PIEZO2: variants seen among roughly 807,000 people sequenced by gnomAD.
PIEZO2 encodes the protein piezo type mechanosensitive ion channel component 2, also known as piezo-type mechanosensitive ion channel component 2.
Under a neutral mutation model 337.3 loss-of-function variants are expected in PIEZO2, and 172 were observed. The ratio of observed to expected loss-of-function variants is 0.51; its 90% CI spans 0.45 to 0.58. The LOEUF (loss-of-function observed/expected upper bound fraction) is 0.58. Among genes scored for constraint, PIEZO2 ranks in the 20% least tolerant of loss-of-function variants. The probability of loss-of-function intolerance (pLI) is 0.00; values close to 1 mark genes in which losing one functional copy is unlikely to be tolerated. For missense variants in PIEZO2, 3,028 were observed against 3,391.3 expected, an observed-to-expected ratio of 0.89 and a Z score of 2.66; for synonymous variants, 1,251 against 1,228.5, an observed-to-expected ratio of 1.02 and a Z score of -0.38.
rs117703134 is a variant in PIEZO2 at position 11,001,430 on chromosome 18, G to C, written c.161-21770C>G. Among the ~76,000 whole-genome samples the C allele has an allele frequency of 6.8e-3, 1,030 of 152,202 alleles. 4 individuals are homozygous for C. Among genetic ancestry groups the C allele is most frequent in the Non-Finnish European group, 0.01 (683 of 68,010 alleles). ...AGTGAGAGTGCAAGTTCTTTCTGCT[G>C]TCGCTCTTCTTTGACCCTGCTAGAG... On this transcript the variant is annotated intron_variant, in intron 2 of 55. Transcript: ENST00000674853. The surrounding 1 kb of genome is among the most constrained non-coding windows in gnomAD (Gnocchi z 5.3).
chr18:10,720,409 GTATGTGTATGTATA>G (rs2036247740), intron 36 of PIEZO2, among the ~76,000 whole-genome samples: 219 of 17,938 alleles, frequency 0.012, 19 homozygotes, highest in South Asian at 0.028. Context: ...GTGTGTATGT[GTATGTGTATGTATA>G]TATATATATA....
intron 52 of PIEZO2, among the ~76,000 whole-genome samples, chr18:10,678,682 C>T (rs2034122948): frequency 6.6e-6 from 1 of 152,160 alleles, no homozygotes; most frequent in Admixed American, 6.5e-5. Context: ...AACTGTTGGG[C>T]TTTGGATGCA....
At chr18:10,763,225 A>G (rs2038215767) in intron 21 of PIEZO2, 127 bp from the exon 22 acceptor site, 2 of 967,614 alleles carry the variant, frequency 2.1e-6, no homozygotes, top group Admixed American at 4.9e-5. Flanking sequence ...TAGCATGCGC[A>G]AGGAATTGCC....
intron 1 of PIEZO2, among the ~76,000 whole-genome samples, chr18:11,075,338 A>G (rs943504125): frequency 1.6e-4 from 24 of 152,376 alleles, no homozygotes; most frequent in Admixed American, 1.2e-3. Context: ...AGAAAATTAA[A>G]CAACCATAGA....
At chr18:10,887,962 T>C (rs1200062885) in intron 4 of PIEZO2, among the ~76,000 whole-genome samples, 1 of 152,168 alleles carries the variant, frequency 6.6e-6, no homozygotes, top group Non-Finnish European at 1.5e-5. Flanking sequence ...GGTCATCATG[T>C]TTACTTTGTA....
At chr18:11,086,111 C>G (rs1424971591) in intron 1 of PIEZO2, among the ~76,000 whole-genome samples, 1 of 152,132 alleles carries the variant, frequency 6.6e-6, no homozygotes, top group Non-Finnish European at 1.5e-5. Context: ...ATTTTAGAAA[C>G]TGATATATCA....
chr18:10,762,363 GTT>G, intron 23 of PIEZO2, 135 bp downstream of exon 23: 1 of 1,084,472 alleles, frequency 9.2e-7, no homozygotes, highest in South Asian at 1.7e-5. Flanking sequence ...CTTAGAGTTT[GTT>G]GCAAAGGTGA....
At chr18:10,751,026 T>A (rs1186984322) in intron 28 of PIEZO2, among the ~76,000 whole-genome samples, 1 of 152,222 alleles carries the variant, frequency 6.6e-6, no homozygotes, top group Non-Finnish European at 1.5e-5. Context: ...TCTGATGCGT[T>A]CAAATGGCAT....
intron 7 of PIEZO2, among the ~76,000 whole-genome samples, chr18:10,829,489 T>C (rs2040777979): frequency 6.6e-6 from 1 of 152,088 alleles, no homozygotes; most frequent in East Asian, 1.9e-4. Context: ...AGCATCCAAT[T>C]TGGAAAGGAA....
In PIEZO2 at chr18:11,112,885, C is replaced by G. The variant is rs905907445; in HGVS notation, c.64+35640G>C. On this transcript the variant is annotated intron_variant, in intron 1 of 55. Transcript: ENST00000674853. This position sits in a 1 kb window ranked among gnomAD's most constrained non-coding sequence, Gnocchi z 4.3. ...AAATATCCTGATCCTCAGGTTCTCT[C>G]AAACAGTCTCTGGGCCCATCTAAGA... 6.6e-6 allele frequency among the ~76,000 whole-genome samples: 1 copy of G among 152,304 alleles called. No individual in the cohort carries two copies. The highest frequency in any genetic ancestry group is 2.4e-5 in the African/African-American group (1 of 41,562).
At chr18:10,827,863 G>A (rs912420342) in intron 7 of PIEZO2, among the ~76,000 whole-genome samples, 1 of 152,126 alleles carries the variant, frequency 6.6e-6, no homozygotes, top group Admixed American at 6.6e-5. Flanking sequence ...ATGTGTAGCT[G>A]TTGAATAAAG....
chr18:10,998,329 T>G (rs1252066417), intron 2 of PIEZO2, among the ~76,000 whole-genome samples: 2 of 145,852 alleles, frequency 1.4e-5, no homozygotes, highest in Non-Finnish European at 3.0e-5. Context: ...ATTAAAAAGA[T>G]ATTTGTTTAC....
rs1450403624 is a variant in PIEZO2, at chr18:10,676,272, A to G, written c.8082-984T>C. ...GCAAAACATATCTCAGTCTGGGAAC[A>G]TTTCTAAGGCCTGCACCCTGGTGAT... On this transcript the variant is annotated intron_variant, in intron 53 of 55. Coordinates refer to ENST00000674853, the MANE Select transcript of PIEZO2 (RefSeq NM_001378183.1). This position sits in a 1 kb window ranked among gnomAD's most constrained non-coding sequence, Gnocchi z 5.1. Among the ~76,000 whole-genome samples, 1 of 152,164 alleles carries G rather than the reference A, an allele frequency of 6.6e-6. No individual in the cohort carries two copies. Among genetic ancestry groups the G allele is most frequent in the African/African-American group, 2.4e-5 (1 of 41,434 alleles).
In PIEZO2 at chr18:10,954,975, T is replaced by C. The variant is rs144091489; in HGVS notation, c.286+24560A>G. On this transcript the variant is annotated intron_variant, in intron 3 of 55. Transcript: ENST00000674853. The surrounding 1 kb of genome is among the most constrained non-coding windows in gnomAD (Gnocchi z 4.2). ...TCAAAAATTGCTGCCAGTCAATACA[T>C]AGAAGGAAACAAAGGGAATAGGGAA... is the stretch of plus-strand genomic sequence containing the variant. Among the ~76,000 whole-genome samples, 50 of 151,560 alleles carry C rather than the reference T, an allele frequency of 3.3e-4. No homozygotes were observed. Among genetic ancestry groups the C allele is most frequent in the African/African-American group, 1.1e-3 (47 of 41,280 alleles).
In PIEZO2 at chr18:10,829,071, T is replaced by C. The variant is rs117738318; in HGVS notation, c.918-21797A>G. On this transcript the variant is annotated intron_variant, in intron 7 of 55. Coordinates refer to ENST00000674853, the MANE Select transcript of PIEZO2 (RefSeq NM_001378183.1). Reference sequence around the variant, plus strand: ...CACCTAAGTTCCTTCACATGACTTATTGCATTTGATTGATATTAATTTAAT... The same window carrying C: ...CACCTAAGTTCCTTCACATGACTTACTGCATTTGATTGATATTAATTTAAT... Among the ~76,000 whole-genome samples, 1,448 of 152,318 alleles carry C rather than the reference T, an allele frequency of 9.5e-3. 5 individuals are homozygous for C. Among genetic ancestry groups the C allele is most frequent in the Non-Finnish European group, 0.014 (968 of 68,016 alleles).
In PIEZO2 at chr18:10,850,823, C is replaced by A. The variant is rs1041474446; in HGVS notation, c.917+4530G>T. ...TATTTATTTCTGGGAATAAGGATTA[C>A]ATTTTAAAGTGTTTTTTCTTATTAT... On this transcript the variant is annotated intron_variant, in intron 7 of 55. Transcript: ENST00000674853. This position sits in a 1 kb window ranked among gnomAD's most constrained non-coding sequence, Gnocchi z 4.5. Among the ~76,000 whole-genome samples, 1 of 152,244 alleles carries A rather than the reference C, an allele frequency of 6.6e-6. No individual in the cohort carries two copies. Among genetic ancestry groups the A allele is most frequent in the South Asian group, 2.1e-4 (1 of 4,822 alleles).
chr18:11,050,657 C>T (rs2037490454), intron 2 of PIEZO2, among the ~76,000 whole-genome samples: 1 of 152,004 alleles, frequency 6.6e-6, no homozygotes. Context: ...AGGACTTTGA[C>T]AACAGGTTAC....
chr18:11,090,133 C>T (rs1598943183), intron 1 of PIEZO2, among the ~76,000 whole-genome samples: 2 of 152,184 alleles, frequency 1.3e-5, no homozygotes, highest in Non-Finnish European at 2.9e-5. Context: ...CGCAAGGTTC[C>T]TCTTTTCTAT....
intron 36 of PIEZO2, among the ~76,000 whole-genome samples, chr18:10,718,724 T>C (rs2036116645): frequency 1.3e-5 from 2 of 152,162 alleles, no homozygotes; most frequent in African/African-American, 4.8e-5. Flanking sequence ...AAATATTTAC[T>C]ATCAATGCTG....
Sources: gnomAD v4.1 joint callset for allele counts (sites outside exome capture counted in the v4.1 genomes callset) on GRCh38, gnomAD v4.1.1 for gene constraint, Gnocchi (gnomAD v3.1) non-coding constraint, MANE v1.5 for transcripts, NCBI Gene and HGNC (gene_info 2026-07-23, HGNC 2026-07-21) for gene names.